SFMBT1: variants seen among roughly 807,000 people sequenced by gnomAD.
SFMBT1 encodes the protein Scm like with four mbt domains 1.
In SFMBT1, 32 loss-of-function variants were observed where a neutral mutation model predicts 108.7. That is an observed-to-expected ratio of 0.29 (90% confidence interval 0.22 to 0.40). SFMBT1 has a LOEUF of 0.40. Among genes scored for constraint, SFMBT1 ranks in the 10% least tolerant of loss-of-function variants. The pLI is 1.00. For missense variants in SFMBT1, 816 were observed against 1,059.6 expected (o/e 0.77, Z 3.19); for synonymous variants, 348 against 369.5 (o/e 0.94, Z 0.67).
At chr3:53,043,354 C>T (rs952675694) in intron 1 of SFMBT1, 2 of 151,848 alleles carry the variant, frequency 1.3e-5, no homozygotes, top group African/African-American at 4.8e-5. Flanking sequence ...TTTTTGCTTT[C>T]ATTGTTGCAC....
intron 4 of SFMBT1, among the ~76,000 whole-genome samples, chr3:52,935,842 C>T (rs1702989221): frequency 6.6e-6 from 1 of 152,194 alleles, no homozygotes; most frequent in African/African-American, 2.4e-5. Flanking sequence ...TCCTCCCCTC[C>T]CGTGTCCCTA....
chr3:52,951,260 T>C (rs1328525800), intron 3 of SFMBT1, among the ~76,000 whole-genome samples: 1 of 146,988 alleles, frequency 6.8e-6, no homozygotes, highest in Non-Finnish European at 1.5e-5. Flanking sequence ...TAGAGAGGAC[T>C]GAAATAGTTA....
intron 1 of SFMBT1, among the ~76,000 whole-genome samples, chr3:52,989,422 CAAAA>C (rs762327335): frequency 8.6e-5 from 7 of 81,706 alleles, no homozygotes; most frequent in South Asian, 4.2e-4. Flanking sequence ...GACTCCATCT[CAAAA>C]AAAAAAAAAA....
chr3:52,935,169 C>T (rs999565181), intron 4 of SFMBT1, among the ~76,000 whole-genome samples: 11 of 152,078 alleles, frequency 7.2e-5, no homozygotes, highest in African/African-American at 2.2e-4. Flanking sequence ...CCAGAAGGTA[C>T]CTTACTTTAT....
At chr3:52,963,371 T>G (rs894078157) in intron 2 of SFMBT1, among the ~76,000 whole-genome samples, 1 of 152,126 alleles carries the variant, frequency 6.6e-6, no homozygotes, top group East Asian at 1.9e-4. Context: ...TTCTATAAAT[T>G]TCAAATAAAC....
intron 1 of SFMBT1, among the ~76,000 whole-genome samples, chr3:53,007,361 A>G (rs1698783863): frequency 1.3e-5 from 2 of 152,242 alleles, no homozygotes; most frequent in African/African-American, 2.4e-5. Context: ...GTGATATATT[A>G]GACTAAGGAC....
chr3:52,981,573 C>G (rs1326870543), intron 1 of SFMBT1, among the ~76,000 whole-genome samples: 3 of 143,954 alleles, frequency 2.1e-5, no homozygotes, highest in Non-Finnish European at 4.5e-5. Flanking sequence ...GAGACGAGGT[C>G]TCACTACATT....
intron 1 of SFMBT1, among the ~76,000 whole-genome samples, chr3:52,985,841 T>C (rs1704885894): frequency 6.6e-6 from 1 of 151,922 alleles, no homozygotes; most frequent in Admixed American, 6.6e-5. Context: ...TCAAAATATA[T>C]CATAAAAGAT....
intron 1 of SFMBT1, among the ~76,000 whole-genome samples, chr3:53,017,069 T>C (rs1211099531): frequency 6.6e-6 from 1 of 152,228 alleles, no homozygotes; most frequent in Non-Finnish European, 1.5e-5. Flanking sequence ...GGATCTACTA[T>C]GCTACTATGC....
At position 52,907,305 on chromosome 3, in the gene SFMBT1, C is replaced by G; in HGVS notation, c.2095G>C (p.Gly699Arg). The change falls in exon 19 of 21, where the codon GGT becomes CGT. Residue 699 changes from glycine to arginine, a missense_variant. Around this residue, in one of 5 missense-constraint regions of SFMBT1, gnomAD observed 177 missense variants for 182.0 expected, o/e 0.97. Transcript: ENST00000394752. ...TPAGSPQGSG[G>R]EDEDDPDEGD... is the part of the protein sequence containing the mutation. ...TCATCTGGGTCATCCTCATCTTCAC[C>G]CCCACTTCCCTGCAGGAAAAGGAGA... is the stretch of plus-strand genomic sequence containing the variant. 6.2e-7 allele frequency: 1 copy of G among 1,612,242 alleles called. No individual in the cohort carries two copies. The highest frequency in any genetic ancestry group is 8.5e-7 in the Non-Finnish European group (1 of 1,179,206).
intron 1 of SFMBT1, among the ~76,000 whole-genome samples, chr3:53,030,979 C>G (rs1699664904): frequency 6.6e-6 from 1 of 152,290 alleles, no homozygotes; most frequent in South Asian, 2.1e-4. Flanking sequence ...CCCATAGCTT[C>G]AAAATTCCCA....
At chr3:53,040,415 G>C (rs1430340959) in intron 1 of SFMBT1, among the ~76,000 whole-genome samples, 2 of 152,086 alleles carry the variant, frequency 1.3e-5, no homozygotes, top group African/African-American at 4.8e-5. Flanking sequence ...ATGTGTGACT[G>C]TCCCACACTT....
intron 2 of SFMBT1, among the ~76,000 whole-genome samples, chr3:52,957,306 C>T (rs757963099): frequency 3.3e-5 from 5 of 152,114 alleles, no homozygotes; most frequent in Admixed American, 6.5e-5. Context: ...CAAACCACTG[C>T]TCGAGGAAAT....
At chr3:53,010,149 A>G (rs1698892451) in intron 1 of SFMBT1, among the ~76,000 whole-genome samples, 1 of 152,236 alleles carries the variant, frequency 6.6e-6, no homozygotes, top group African/African-American at 2.4e-5. Context: ...AATGAAAAGG[A>G]AGGATGTTTT....
At position 52,961,325 on chromosome 3, in the gene SFMBT1, T is replaced by C. The variant is rs188904858; in HGVS notation, c.29-6914A>G. Among the ~76,000 whole-genome samples, 66 of 152,284 alleles carry C rather than the reference T, an allele frequency of 4.3e-4. 1 individual carries two copies. The highest frequency in any genetic ancestry group is 7.2e-4 in the Admixed American group (11 of 15,286). ...AGTTACTGTTGAACAGGTATACCTT[T>C]CCATTTGGAAAGATAAGGAGATGGA... is the stretch of plus-strand genomic sequence containing the variant. On this transcript the variant is annotated intron_variant, in intron 2 of 20. Transcript: ENST00000394752.
At chr3:52,985,072 AC>A (rs1244148101) in intron 1 of SFMBT1, among the ~76,000 whole-genome samples, 1 of 152,224 alleles carries the variant, frequency 6.6e-6, no homozygotes, top group Non-Finnish European at 1.5e-5. Flanking sequence ...AAATATGATT[AC>A]ATTTTCATCA....
At chr3:52,954,525 G>A in intron 2 of SFMBT1, 114 bp from the exon 3 acceptor site, 1 of 822,300 alleles carries the variant, frequency 1.2e-6, no homozygotes, top group Non-Finnish European at 1.9e-6. Flanking sequence ...AACTGATTTT[G>A]CACAAAAGAA....
intron 1 of SFMBT1, among the ~76,000 whole-genome samples, chr3:53,002,217 G>A (rs148381558): frequency 0.011 from 1,653 of 148,866 alleles, 134 homozygotes; most frequent in Non-Finnish European, 0.016. Context: ...TGGCTAACAC[G>A]GCGAAACCTG....
chr3:52,928,609 C>T (rs9825679), intron 8 of SFMBT1: 18,037 of 75,420 alleles, frequency 0.24, 1,567 homozygotes, highest in Admixed American at 0.38. Flanking sequence ...TACATATATA[C>T]ATATATATAC....
Sources: allele counts gnomAD v4.1 joint callset (sites outside exome capture counted in the v4.1 genomes callset), GRCh38; gene constraint gnomAD v4.1.1; regional missense constraint gnomAD v4.1.1; transcripts MANE v1.5; gene names NCBI Gene and HGNC (gene_info 2026-07-23, HGNC 2026-07-21).